ADGRL3: variants seen among roughly 807,000 people sequenced by gnomAD.
ADGRL3 encodes the protein calcium-independent alpha-latrotoxin receptor 3.
ADGRL3 carries 62 observed loss-of-function variants against 153.5 expected under a neutral mutation model. The observed-to-expected ratio is 0.40, with a 90% CI of 0.33 to 0.50. The LOEUF (loss-of-function observed/expected upper bound fraction) is 0.50. ADGRL3 is among the 20% of genes least tolerant of loss of function. The pLI is 0.47. For synonymous variants in ADGRL3, 710 were observed against 672.5 expected, an observed-to-expected ratio of 1.06 and a Z score of -0.86; for missense variants, 1,641 against 1,859.4, an observed-to-expected ratio of 0.88 and a Z score of 2.16.
chr4:61,319,332 C>A (rs1269075513), intron 1 of ADGRL3, among the ~76,000 whole-genome samples: 1 of 152,184 alleles, frequency 6.6e-6, no homozygotes. Context: ...AAAATATCTT[C>A]ACATCAGCAT....
At chr4:61,254,529 G>A (rs2091775498) in intron 1 of ADGRL3, among the ~76,000 whole-genome samples, 1 of 152,028 alleles carries the variant, frequency 6.6e-6, no homozygotes, top group South Asian at 2.1e-4. Context: ...TGAAAACCAG[G>A]CATACTCTTC....
At position 61,876,075 on chromosome 4, in the gene ADGRL3, G is replaced by A. The variant is rs185604393; in HGVS notation, c.1481-16581G>A. Reference sequence around the variant, plus strand: ...GCTGTATTCATAATGCAATTTTTAGGAGATGTGGAAATTATATCATCAAAT... The same window carrying A: ...GCTGTATTCATAATGCAATTTTTAGAAGATGTGGAAATTATATCATCAAAT... On this transcript the variant is annotated intron_variant, in intron 9 of 26. Transcript: ENST00000683033. Among the ~76,000 whole-genome samples, 6 of 151,544 alleles carry A rather than the reference G, an allele frequency of 4.0e-5. No homozygotes were observed. In the Admixed American group the frequency reaches 4.0e-4, roughly 10 times the overall value.
At chr4:61,781,634 T>A (rs2097215716) in intron 8 of ADGRL3, among the ~76,000 whole-genome samples, 1 of 152,162 alleles carries the variant, frequency 6.6e-6, no homozygotes, top group Admixed American at 6.5e-5. Context: ...TGATGTTGAT[T>A]TATTTATTCA....
intron 1 of ADGRL3, among the ~76,000 whole-genome samples, chr4:61,215,626 C>A (rs1010350418): frequency 6.9e-6 from 1 of 144,682 alleles, no homozygotes; most frequent in African/African-American, 2.5e-5. Context: ...ATCTCGGCTC[C>A]CTGCAAGCTC....
chr4:62,011,461 G>A (rs1042076984), intron 21 of ADGRL3, among the ~76,000 whole-genome samples: 3 of 152,124 alleles, frequency 2.0e-5, no homozygotes, highest in South Asian at 2.1e-4. Context: ...GTATAAAAAT[G>A]TTCCTTTCCT....
intron 5 of ADGRL3, among the ~76,000 whole-genome samples, chr4:61,662,957 C>A (rs2094653344): frequency 6.6e-6 from 1 of 152,038 alleles, no homozygotes; most frequent in East Asian, 1.9e-4. Context: ...CTGCTGAGAG[C>A]TGAATATTCA....
At chr4:61,432,592 T>TTCTC (rs796192310) in intron 2 of ADGRL3, among the ~76,000 whole-genome samples, 1 of 8,192 alleles carries the variant, frequency 1.2e-4, no homozygotes, top group Non-Finnish European at 4.0e-4. Flanking sequence ...CTTTCTTTCT[T>TTCTC]TCTTTCTTTC....
intron 1 of ADGRL3, among the ~76,000 whole-genome samples, chr4:61,344,456 A>C (rs1217927673): frequency 6.6e-6 from 1 of 152,208 alleles, no homozygotes; most frequent in Non-Finnish European, 1.5e-5. Flanking sequence ...CAGCATATGA[A>C]TCCTTGAATA....
intron 8 of ADGRL3, among the ~76,000 whole-genome samples, chr4:61,793,313 A>G (rs967051466): frequency 5.3e-5 from 8 of 152,174 alleles, no homozygotes; most frequent in Non-Finnish European, 1.0e-4. Context: ...AGTCCCAGCT[A>G]TTCAGGAGGC....
At chr4:61,775,672 A>C (rs1385599170) in intron 8 of ADGRL3, 17 of 1,507,428 alleles carry the variant, frequency 1.1e-5, no homozygotes, top group Non-Finnish European at 1.5e-5. Context: ...GACATACATC[A>C]CAGGCTCATC....
intron 1 of ADGRL3, among the ~76,000 whole-genome samples, chr4:61,326,160 A>G (rs1469439646): frequency 6.6e-6 from 1 of 152,126 alleles, no homozygotes; most frequent in Non-Finnish European, 1.5e-5. Flanking sequence ...TATGCTGTTA[A>G]TGCATACATG....
At chr4:61,315,671 A>G (rs1156258620) in intron 1 of ADGRL3, among the ~76,000 whole-genome samples, 1 of 152,206 alleles carries the variant, frequency 6.6e-6, no homozygotes, top group East Asian at 1.9e-4. Context: ...CATGAAAGAA[A>G]GGAGTGTAGA....
At chr4:61,508,400 A>T (rs955343220) in intron 3 of ADGRL3, among the ~76,000 whole-genome samples, 2 of 152,144 alleles carry the variant, frequency 1.3e-5, no homozygotes, top group African/African-American at 4.8e-5. Flanking sequence ...CTCTTTTACT[A>T]TTCTCAGCGT....
rs545192715 is a variant in ADGRL3, at chr4:62,035,665, G to A, written c.3592-2066G>A. On this transcript the variant is annotated intron_variant, in intron 23 of 26. Coordinates refer to ENST00000683033, the MANE Select transcript of ADGRL3 (RefSeq NM_001387552.1). ...CCTCATTCTTTCCAGACACAAAGAA[G>A]GAGATAATTAATAGATTACTTTAAT... 2.4e-4 allele frequency among the ~76,000 whole-genome samples: 37 copies of A among 152,148 alleles called. 1 individual carries two copies. The highest frequency in any genetic ancestry group is 7.7e-4 in the African/African-American group (32 of 41,526).
chr4:61,886,458 T>C (rs965969718), intron 9 of ADGRL3, among the ~76,000 whole-genome samples: 1 of 152,150 alleles, frequency 6.6e-6, no homozygotes, highest in African/African-American at 2.4e-5. Context: ...CAAAAGATTG[T>C]CTACTAGAGT....
intron 5 of ADGRL3, among the ~76,000 whole-genome samples, chr4:61,647,627 G>A (rs2094077886): frequency 6.6e-6 from 1 of 152,010 alleles, no homozygotes; most frequent in Admixed American, 6.6e-5. Context: ...TTCTGCATAA[G>A]AGCTGATATA....
intron 11 of ADGRL3, among the ~76,000 whole-genome samples, chr4:61,904,328 T>C (rs749426594): frequency 1.6e-4 from 24 of 152,114 alleles, no homozygotes; most frequent in Non-Finnish European, 3.1e-4. Flanking sequence ...TGGCTATTTT[T>C]TGTAGAGATG....
chr4:62,045,313 G>A (rs1206855804), intron 25 of ADGRL3, among the ~76,000 whole-genome samples: 1 of 151,776 alleles, frequency 6.6e-6, no homozygotes, highest in Non-Finnish European at 1.5e-5. Flanking sequence ...CAGTAAAAAT[G>A]ACTAGATGCA....
chr4:61,894,360 A>G (rs1287108573), intron 10 of ADGRL3, among the ~76,000 whole-genome samples: 2 of 152,162 alleles, frequency 1.3e-5, no homozygotes, highest in South Asian at 2.1e-4. Flanking sequence ...TGGTTTTTAT[A>G]AAAAATACAC....
Sources: allele counts gnomAD v4.1 joint callset (sites outside exome capture counted in the v4.1 genomes callset), GRCh38; gene constraint gnomAD v4.1.1; transcripts MANE v1.5; gene names NCBI Gene and HGNC (gene_info 2026-07-23, HGNC 2026-07-21).